The following PPP4R3A variants were observed in gnomAD, a reference collection of about 807,000 sequenced individuals.
PPP4R3A encodes serine/threonine-protein phosphatase 4 regulatory subunit 3A.
PPP4R3A carries 15 observed loss-of-function variants against 91.7 expected under a neutral mutation model. That is an observed-to-expected ratio of 0.16 (90% CI 0.11 to 0.25). The LOEUF is 0.25. Among genes scored for constraint, PPP4R3A ranks in the 10% least tolerant of loss-of-function variants. The pLI is 1.00. For synonymous variants in PPP4R3A, 377 were observed against 348.7 expected (o/e 1.08, Z -0.91); for missense variants, 623 against 998.4 (o/e 0.62, Z 5.07).
At chr14:91,503,116 T>G (rs1226534705) in intron 1 of PPP4R3A, among the ~76,000 whole-genome samples, 1 of 152,022 alleles carries the variant, frequency 6.6e-6, no homozygotes. Flanking sequence ...GCCTCCTGAG[T>G]AGCTAAGACT....
chr14:91,509,714 C>A lies in PPP4R3A; in HGVS notation c.-67G>T. On this transcript the variant is annotated 5_prime_UTR_variant, in exon 1 of 15. Transcript: ENST00000554943. ...GCCCAGGAAAGGGGCCCTGGAGAGG[C>A]GAGGGGCGAGGCGTGAGGGCGCCCG... 1.3e-6 allele frequency: 2 copies of A among 1,501,332 alleles called. No homozygotes were observed. The highest frequency in any genetic ancestry group is 1.4e-5 in the African/African-American group (1 of 69,454). 93.0% of individuals were successfully genotyped at this position (1,501,332 alleles called of 1,614,324 possible). A position where few individuals can be genotyped will look rare whatever the true frequency, so the allele number is the denominator to read the frequency against.
intron 10 of PPP4R3A, among the ~76,000 whole-genome samples, chr14:91,468,974 C>T (rs1334388962): frequency 6.6e-6 from 1 of 151,906 alleles, no homozygotes; most frequent in Non-Finnish European, 1.5e-5. Context: ...CATTGATGGC[C>T]AAGTCCAGGT....
In PPP4R3A at chr14:91,476,845, C is replaced by T. The variant is rs139725807; in HGVS notation, c.993+64G>A. 1.0e-4 allele frequency: 141 copies of T among 1,382,584 alleles called. 1 individual carries two copies. The East Asian group carries it at 3.0e-3, about 30-fold the overall frequency. The allele number at this position is 1,382,584 out of a possible 1,614,324, so 85.6% of individuals were successfully genotyped here. A position where few individuals can be genotyped will look rare whatever the true frequency, so the allele number is the denominator to read the frequency against. The stretch of plus-strand genomic sequence containing the variant: ...CTCCCAAAGTGCTGGGATTTACAGG[C>T]GTGAGCCACCAAGCCCGGCCAGTTG... On this transcript the variant is annotated intron_variant, in intron 5 of 14. Transcript: ENST00000554943.
intron 14 of PPP4R3A, among the ~76,000 whole-genome samples, chr14:91,460,330 G>A (rs1467663616): frequency 1.3e-5 from 2 of 151,358 alleles, no homozygotes; most frequent in African/African-American, 2.4e-5. Flanking sequence ...GCTTTATTTC[G>A]ATGCTAAGGG....
chr14:91,489,108 C>T (rs1340673668), intron 2 of PPP4R3A, among the ~76,000 whole-genome samples: 3 of 151,946 alleles, frequency 2.0e-5, no homozygotes, highest in Admixed American at 6.6e-5. Flanking sequence ...GGGGTTTCAC[C>T]GTGTTAGCCA....
chr14:91,508,104 A>G (rs1034211274), intron 1 of PPP4R3A, among the ~76,000 whole-genome samples: 18 of 152,248 alleles, frequency 1.2e-4, no homozygotes, highest in African/African-American at 4.1e-4. Flanking sequence ...TGTGAGTCAC[A>G]TACAAAATTA....
chr14:91,509,629 G>T lies in PPP4R3A; in HGVS notation c.19C>A (p.Arg7=), dbSNP rs767645387. 9 of 1,599,402 alleles carry T rather than the reference G, an allele frequency of 5.6e-6. No individual in the cohort carries two copies. In the South Asian group the frequency reaches 9.9e-5, roughly 18 times the overall value. Residue 7 remains arginine, a synonymous_variant, in exon 1 of 15, where the codon CGG becomes AGG. Coordinates refer to ENST00000554943, the MANE Select transcript of PPP4R3A (RefSeq NM_001366432.2). MTDTRR[R]VKVYTLNEDR... ...TCGTTGAGCGTGTACACCTTCACCC[G>T]CCGCCGGGTGTCGGTCATCGTGCCG... is the stretch of plus-strand genomic sequence containing the variant.
intron 10 of PPP4R3A, 97 bp downstream of exon 10, chr14:91,470,740 C>T: frequency 7.2e-7 from 1 of 1,395,156 alleles, no homozygotes; most frequent in Non-Finnish European, 9.9e-7. Flanking sequence ...ACCTAGATCT[C>T]CTGACCTGTA....
chr14:91,465,806 G>GT (rs1888441324), intron 10 of PPP4R3A, among the ~76,000 whole-genome samples: 1 of 152,026 alleles, frequency 6.6e-6, no homozygotes, highest in African/African-American at 2.4e-5. Flanking sequence ...AAAAACCAGT[G>GT]TTTTATTAGG....
chr14:91,502,864 A>G (rs550890033), intron 1 of PPP4R3A, among the ~76,000 whole-genome samples: 1 of 152,382 alleles, frequency 6.6e-6, no homozygotes, highest in African/African-American at 2.4e-5. Context: ...TAAAAACTCA[A>G]TGTAAGCACA....
intron 1 of PPP4R3A, among the ~76,000 whole-genome samples, chr14:91,504,743 G>A (rs1407159041): frequency 6.6e-6 from 1 of 152,156 alleles, no homozygotes; most frequent in Admixed American, 6.5e-5. Flanking sequence ...CTAAAGCAAG[G>A]TAGGTTGAGT....
intron 3 of PPP4R3A, among the ~76,000 whole-genome samples, chr14:91,485,241 G>A (rs1036674196): frequency 1.3e-5 from 2 of 152,126 alleles, no homozygotes; most frequent in Non-Finnish European, 2.9e-5. Flanking sequence ...TATTATCGAG[G>A]GACTGAATGG....
rs769511884 is a variant in PPP4R3A, at chr14:91,458,828, TTCA to T, written c.2430_2432del (p.Asp810del). The T allele has an allele frequency of 2.1e-5, 34 of 1,613,294 alleles. No homozygotes were observed. Among genetic ancestry groups the T allele is most frequent in the African/African-American group, 6.7e-5 (5 of 75,014 alleles). ...CCTTATCTTCATCCTCATCATCATC[TTCA>T]TCATCATCAGGATAATCTACCAGAC... is the stretch of plus-strand genomic sequence containing the variant. On this transcript the variant is annotated inframe_deletion, in exon 15 of 15. Coordinates refer to ENST00000554943, the MANE Select transcript of PPP4R3A (RefSeq NM_001366432.2).
At chr14:91,463,019 A>G in intron 11 of PPP4R3A, 142 bp from the exon 12 acceptor site, 1 of 706,298 alleles carries the variant, frequency 1.4e-6, no homozygotes, top group Non-Finnish European at 2.3e-6. Context: ...AACAATAAAA[A>G]ATGGGAATAA....
chr14:91,498,679 C>G (rs189565412), intron 1 of PPP4R3A, among the ~76,000 whole-genome samples: 28 of 151,874 alleles, frequency 1.8e-4, no homozygotes, highest in Non-Finnish European at 3.4e-4. Flanking sequence ...CTTTGGGAGG[C>G]AGAGGCAGGT....
chr14:91,508,586 T>C (rs985882778), intron 1 of PPP4R3A, among the ~76,000 whole-genome samples: 16 of 152,218 alleles, frequency 1.1e-4, no homozygotes, highest in Non-Finnish European at 1.8e-4. Context: ...AAATTCACTG[T>C]ATATCGCCAA....
At chr14:91,488,943 T>C (rs925807501) in intron 2 of PPP4R3A, among the ~76,000 whole-genome samples, 3 of 146,888 alleles carry the variant, frequency 2.0e-5, no homozygotes, top group Non-Finnish European at 4.5e-5. Context: ...AGTCTCGCTC[T>C]GTCGCCCAGG....
chr14:91,465,464 C>T (rs201947589), intron 10 of PPP4R3A, 45 bp from the exon 11 acceptor site: 28 of 1,487,994 alleles, frequency 1.9e-5, no homozygotes, highest in Non-Finnish European at 2.4e-5. Flanking sequence ...ACCACTCTTC[C>T]ATACTTTAGA....
At chr14:91,477,150 A>G (rs1395404852) in intron 4 of PPP4R3A, among the ~76,000 whole-genome samples, 164 bp from the exon 5 acceptor site, 1 of 150,142 alleles carries the variant, frequency 6.7e-6, no homozygotes, top group Non-Finnish European at 1.5e-5. Context: ...CCACACTATT[A>G]AAGTATAAAA....
Sources: gnomAD v4.1 joint callset for allele counts (sites outside exome capture counted in the v4.1 genomes callset) on GRCh38, gnomAD v4.1.1 for gene constraint, MANE v1.5 for transcripts, NCBI Gene and HGNC (gene_info 2026-07-23, HGNC 2026-07-21) for gene names.